Variants in CHD9 observed in about 807,000 individuals in gnomAD.
CHD9 encodes the protein chromodomain helicase DNA binding protein 9, also known as ATP-dependent chromatin remodeler CHD9.
CHD9 carries 77 observed loss-of-function variants against 316.1 expected under a neutral mutation model. That is an observed-to-expected ratio of 0.24 (90% confidence interval 0.20 to 0.29). The LOEUF (loss-of-function observed/expected upper bound fraction) is 0.29, where lower values mean the gene tolerates loss of function less well. CHD9 is among the 10% of genes least tolerant of loss of function. CHD9 has a pLI of 1.00. For synonymous variants in CHD9, 1,129 were observed against 1,158.3 expected (o/e 0.97, Z 0.51); for missense variants, 2,763 against 3,438.1 (o/e 0.80, Z 4.91).
At chr16:53,078,202 T>C (rs998739998) in intron 1 of CHD9, among the ~76,000 whole-genome samples, 1 of 152,252 alleles carries the variant, frequency 6.6e-6, no homozygotes, top group Admixed American at 6.5e-5. Context: ...TGCTATGGTT[T>C]GAATGTTCCC....
chr16:53,096,324 A>G (rs1377434926), intron 1 of CHD9, among the ~76,000 whole-genome samples: 2 of 152,106 alleles, frequency 1.3e-5, no homozygotes, highest in East Asian at 3.9e-4. Flanking sequence ...TACCCAACAC[A>G]ATGCCGGGTA....
intron 2 of CHD9, among the ~76,000 whole-genome samples, chr16:53,182,565 A>C (rs1231831614): frequency 6.6e-6 from 1 of 152,162 alleles, no homozygotes; most frequent in African/African-American, 2.4e-5. Flanking sequence ...ATTTGATACA[A>C]AAGTATCTTG....
chr16:53,185,755 C>T (rs1185327840), intron 2 of CHD9, among the ~76,000 whole-genome samples: 1 of 152,216 alleles, frequency 6.6e-6, no homozygotes, highest in Non-Finnish European at 1.5e-5. Flanking sequence ...GTGTTACAGC[C>T]ATTCCAGCCC....
At chr16:53,221,092 A>G (rs2047195749) in intron 3 of CHD9, among the ~76,000 whole-genome samples, 2 of 152,136 alleles carry the variant, frequency 1.3e-5, no homozygotes, top group Non-Finnish European at 2.9e-5. Context: ...ATATTTTCAA[A>G]TCCTAGAGCC....
chr16:53,187,324 A>G (rs1397958328), intron 2 of CHD9, among the ~76,000 whole-genome samples: 3 of 152,142 alleles, frequency 2.0e-5, no homozygotes, highest in Non-Finnish European at 2.9e-5. Context: ...CTTGGGCAAC[A>G]TAGCAAAATT....
rs375916437 is a variant in CHD9 at position 53,255,724 on chromosome 16, G to A, written c.4154G>A (p.Arg1385His). 6.8e-6 allele frequency: 11 copies of A among 1,613,718 alleles called. No homozygotes were observed. Among genetic ancestry groups the A allele is most frequent in the Admixed American group, 1.7e-5 (1 of 59,996 alleles). Reference protein sequence around the residue: ...CEEDIDQILLRRTKTITIESE... With the variant: ...CEEDIDQILLHRTKTITIESE... ...GAGGATATCGATCAGATTTTACTAC[G>A]TCGTACAAAAACTATTACAATTGAA... Residue 1385 changes from arginine to histidine, a missense_variant, in exon 19 of 39, where the codon CGT becomes CAT. This residue lies in a region of CHD9 where 199 missense variants were observed against 251.7 expected (regional missense o/e 0.79). Coordinates refer to ENST00000447540, the MANE Select transcript of CHD9 (RefSeq NM_001308319.2).
Position 53,229,204 on chromosome 16 carries a change from G to T in CHD9, c.2286+104G>T, listed in dbSNP as rs529189527. On this transcript the variant is annotated intron_variant, in intron 8 of 38. Transcript: ENST00000447540. ...TTTTAATTCTTAGACTTCCAGTGTT[G>T]ATATTTGAATACAAATGCTACCTAA... 9.6e-4 allele frequency: 541 copies of T among 564,508 alleles called. 8 individuals are homozygous for T. In the Middle Eastern group the frequency reaches 0.03, roughly 32 times the overall value. The allele number at this position is 564,508 out of a possible 1,614,324, so 35.0% of individuals were successfully genotyped here.
chr16:53,232,991 C>T (rs2048313344), intron 10 of CHD9, among the ~76,000 whole-genome samples: 1 of 152,152 alleles, frequency 6.6e-6, no homozygotes, highest in African/African-American at 2.4e-5. Context: ...TCTGTAACCC[C>T]AAAATATGTG....
intron 1 of CHD9, among the ~76,000 whole-genome samples, chr16:53,101,387 G>A (rs1028400684): frequency 1.1e-4 from 17 of 149,242 alleles, no homozygotes; most frequent in Non-Finnish European, 2.1e-4. Context: ...TGGTCCTCCT[G>A]CCTCAGCCTC....
At chr16:53,123,171 C>CT (rs61290396) in intron 1 of CHD9, among the ~76,000 whole-genome samples, 60,899 of 143,780 alleles carry the variant, frequency 0.42, 14,158 homozygotes, top group African/African-American at 0.61. Context: ...CCTGGAATCA[C>CT]TTTTTTTTTT....
intron 1 of CHD9, among the ~76,000 whole-genome samples, chr16:53,101,868 G>C (rs1454001639): frequency 6.6e-6 from 1 of 152,150 alleles, no homozygotes; most frequent in Non-Finnish European, 1.5e-5. Context: ...AGTGGTGTCA[G>C]GGAGTTGGGC....
At chr16:53,183,225 T>C (rs2043677997) in intron 2 of CHD9, among the ~76,000 whole-genome samples, 1 of 152,214 alleles carries the variant, frequency 6.6e-6, no homozygotes, top group Non-Finnish European at 1.5e-5. Context: ...ACAAATGTCG[T>C]ATTTGTTTCT....
chr16:53,187,463 A>T (rs1189067900), intron 2 of CHD9, among the ~76,000 whole-genome samples: 2 of 152,158 alleles, frequency 1.3e-5, no homozygotes, highest in Non-Finnish European at 2.9e-5. Flanking sequence ...CTATGATCAC[A>T]CCACTCACTG....
intron 1 of CHD9, among the ~76,000 whole-genome samples, chr16:53,148,304 C>A (rs1043125450): frequency 3.3e-5 from 5 of 152,176 alleles, no homozygotes; most frequent in African/African-American, 1.2e-4. Flanking sequence ...AGTGCAGTGA[C>A]GCAGTCAGCT....
chr16:53,173,270 A>G (rs755783303), intron 2 of CHD9, among the ~76,000 whole-genome samples: 3 of 152,066 alleles, frequency 2.0e-5, no homozygotes, highest in Non-Finnish European at 2.9e-5. Context: ...TTGGTAGTTC[A>G]TGCTTTTCAA....
At chr16:53,056,239 TC>T (rs975472980) in intron 1 of CHD9, among the ~76,000 whole-genome samples, 49 of 151,760 alleles carry the variant, frequency 3.2e-4, no homozygotes, top group African/African-American at 1.2e-3. Context: ...GGGCATAGAT[TC>T]CCCCCCATAG....
At chr16:53,161,237 A>T (rs1238494761) in intron 2 of CHD9, among the ~76,000 whole-genome samples, 1 of 152,222 alleles carries the variant, frequency 6.6e-6, no homozygotes, top group Non-Finnish European at 1.5e-5. Flanking sequence ...TGTATGTTGC[A>T]TATCAGTTTT....
chr16:53,222,179 C>T (rs980058979), intron 3 of CHD9, among the ~76,000 whole-genome samples: 6 of 152,082 alleles, frequency 3.9e-5, no homozygotes, highest in Non-Finnish European at 4.4e-5. Context: ...CGGGCTCAAG[C>T]GATTCTCCTG....
chr16:53,130,548 C>T (rs2039186298), intron 1 of CHD9, among the ~76,000 whole-genome samples: 1 of 149,480 alleles, frequency 6.7e-6, no homozygotes, highest in Non-Finnish European at 1.5e-5. Flanking sequence ...CGCGGCGGGG[C>T]TGCCGGGGGA....
Sources: gnomAD v4.1 joint callset for allele counts (sites outside exome capture counted in the v4.1 genomes callset) on GRCh38, gnomAD v4.1.1 for gene constraint, gnomAD v4.1.1 regional missense constraint, MANE v1.5 for transcripts, NCBI Gene and HGNC (gene_info 2026-07-23, HGNC 2026-07-21) for gene names.